PPP1R9A: variants seen among roughly 807,000 people sequenced by gnomAD.
PPP1R9A encodes the protein neurabin-1.
A neutral mutation model predicts 141.9 loss-of-function variants in PPP1R9A; 59 were observed. That is an observed-to-expected ratio of 0.42 (90% confidence interval 0.34 to 0.52). The LOEUF (loss-of-function observed/expected upper bound fraction) is 0.52. PPP1R9A is among the 20% of genes least tolerant of loss of function. PPP1R9A has a pLI of 0.10. For synonymous variants in PPP1R9A, 500 were observed against 569.7 expected (o/e 0.88, Z 1.74); for missense variants, 1,444 against 1,611.9 (o/e 0.90, Z 1.78).
intron 5 of PPP1R9A, among the ~76,000 whole-genome samples, chr7:95,195,433 A>C (rs994215245): frequency 6.7e-6 from 1 of 149,582 alleles, no homozygotes; most frequent in South Asian, 2.1e-4. Flanking sequence ...GGTGCATGCC[A>C]CCACACCTGG....
At chr7:94,917,667 C>T (rs1792262857) in intron 2 of PPP1R9A, among the ~76,000 whole-genome samples, 2 of 151,944 alleles carry the variant, frequency 1.3e-5, no homozygotes, top group African/African-American at 4.8e-5. Flanking sequence ...CTTGGCCTCC[C>T]GAAGTGCTGA....
chr7:95,075,375 C>G (rs989191346), intron 2 of PPP1R9A, among the ~76,000 whole-genome samples: 6 of 152,122 alleles, frequency 3.9e-5, no homozygotes, highest in Non-Finnish European at 7.4e-5. Flanking sequence ...ATCTTCTGCC[C>G]TCTTAAGTTC....
chr7:94,916,857 C>T (rs1168291835), intron 2 of PPP1R9A, among the ~76,000 whole-genome samples: 1 of 152,170 alleles, frequency 6.6e-6, no homozygotes, highest in Non-Finnish European at 1.5e-5. Flanking sequence ...CTCTGTCACC[C>T]AGGTTGGAGT....
chr7:95,177,477 A>C (rs182413807), intron 5 of PPP1R9A, among the ~76,000 whole-genome samples: 143 of 152,152 alleles, frequency 9.4e-4, no homozygotes, highest in Admixed American at 2.2e-3. Flanking sequence ...ACAAACAAAA[A>C]CCAGGGTACA....
chr7:95,094,976 T>C (rs1716416044), intron 2 of PPP1R9A, among the ~76,000 whole-genome samples: 1 of 151,628 alleles, frequency 6.6e-6, no homozygotes, highest in African/African-American at 2.4e-5. Context: ...GGTTGTGTGA[T>C]TGACTGCCCT....
At chr7:95,046,590 A>G (rs1446208963) in intron 2 of PPP1R9A, among the ~76,000 whole-genome samples, 1 of 152,162 alleles carries the variant, frequency 6.6e-6, no homozygotes, top group Non-Finnish European at 1.5e-5. Flanking sequence ...ATTTTCTAAG[A>G]AGATACTTTT....
At chr7:95,279,976 C>T (rs1188712322) in intron 16 of PPP1R9A, among the ~76,000 whole-genome samples, 5 of 152,132 alleles carry the variant, frequency 3.3e-5, no homozygotes, top group Non-Finnish European at 7.3e-5. Flanking sequence ...TCGAATGATT[C>T]AGAGTTGAAC....
At chr7:95,213,040 A>G (rs1361343464) in intron 7 of PPP1R9A, among the ~76,000 whole-genome samples, 4 of 152,032 alleles carry the variant, frequency 2.6e-5, no homozygotes, top group African/African-American at 9.7e-5. Context: ...CCATACTCGG[A>G]GAAAATTCAC....
At chr7:95,221,173 G>A (rs546222407) in intron 7 of PPP1R9A, among the ~76,000 whole-genome samples, 97 of 152,202 alleles carry the variant, frequency 6.4e-4, no homozygotes, top group Middle Eastern at 3.4e-3. Context: ...AGCAACAATA[G>A]CGGTCACTCG....
chr7:94,931,711 T>C (rs962953539), intron 2 of PPP1R9A, among the ~76,000 whole-genome samples: 4 of 152,132 alleles, frequency 2.6e-5, no homozygotes, highest in African/African-American at 9.7e-5. Flanking sequence ...CCTGAGTAGC[T>C]GGGATTATAA....
At chr7:95,170,895 A>G (rs1832010341) in intron 5 of PPP1R9A, among the ~76,000 whole-genome samples, 1 of 151,668 alleles carries the variant, frequency 6.6e-6, no homozygotes, top group Non-Finnish European at 1.5e-5. Context: ...TTTGAGATTT[A>G]TAATATCGAG....
At chr7:95,132,471 G>A (rs1194589494) in intron 4 of PPP1R9A, among the ~76,000 whole-genome samples, 1 of 152,064 alleles carries the variant, frequency 6.6e-6, no homozygotes. Context: ...ATGTTTATGT[G>A]GTGAATCATA....
intron 4 of PPP1R9A, among the ~76,000 whole-genome samples, chr7:95,158,169 A>T (rs1051715933): frequency 3.3e-5 from 5 of 152,202 alleles, no homozygotes; most frequent in Admixed American, 2.6e-4. Flanking sequence ...ATGATGATGC[A>T]CATTTGAAAA....
chr7:94,995,482 T>C (rs1364269894), intron 2 of PPP1R9A, among the ~76,000 whole-genome samples: 3 of 152,034 alleles, frequency 2.0e-5, no homozygotes, highest in Admixed American at 1.3e-4. Flanking sequence ...TGATGCTCTT[T>C]TAATTTTTTT....
intron 12 of PPP1R9A, among the ~76,000 whole-genome samples, chr7:95,254,681 G>T (rs1799341237): frequency 6.6e-6 from 1 of 152,082 alleles, no homozygotes; most frequent in Admixed American, 6.5e-5. Context: ...AATGAAAATG[G>T]TCAGAATGAA....
At chr7:94,962,717 C>T (rs905404939) in intron 2 of PPP1R9A, among the ~76,000 whole-genome samples, 1 of 151,994 alleles carries the variant, frequency 6.6e-6, no homozygotes, top group Non-Finnish European at 1.5e-5. Context: ...AATTAATATA[C>T]GTGAAATGCA....
intron 5 of PPP1R9A, among the ~76,000 whole-genome samples, chr7:95,177,638 C>T (rs1015227139): frequency 6.6e-6 from 1 of 152,024 alleles, no homozygotes; most frequent in Admixed American, 6.6e-5. Context: ...CTTCAAGAGA[C>T]TCACCTAACA....
chr7:95,224,710 G>T (rs986172506), intron 7 of PPP1R9A, among the ~76,000 whole-genome samples: 5 of 152,026 alleles, frequency 3.3e-5, no homozygotes, highest in South Asian at 2.1e-4. Context: ...AAACATAGGT[G>T]GGGGGAAAGG....
At chr7:95,231,615 A>G (rs927278558) in intron 8 of PPP1R9A, among the ~76,000 whole-genome samples, 4 of 152,170 alleles carry the variant, frequency 2.6e-5, no homozygotes, top group African/African-American at 4.8e-5. Flanking sequence ...ATGCAAATAC[A>G]TGGTAATTAA....
Sources: allele counts gnomAD v4.1 joint callset (sites outside exome capture counted in the v4.1 genomes callset), GRCh38; gene constraint gnomAD v4.1.1; transcripts MANE v1.5; gene names NCBI Gene and HGNC (gene_info 2026-07-23, HGNC 2026-07-21).